The following CFB variants were observed in gnomAD, a reference collection of about 807,000 sequenced individuals.
The protein encoded by CFB is complement factor B.
In CFB, 59 loss-of-function variants were observed where a neutral mutation model predicts 97.2. That is an observed-to-expected ratio of 0.61 (90% CI 0.49 to 0.75). The LOEUF (loss-of-function observed/expected upper bound fraction) is 0.75, where lower values mean the gene tolerates loss of function less well. CFB is among the 30% of genes least tolerant of loss of function. CFB has a pLI of 0.00. For missense variants in CFB, 771 were observed against 959.8 expected (o/e 0.80, Z 2.60); for synonymous variants, 316 against 351.7 (o/e 0.90, Z 1.14).
rs756677366 is a variant in CFB, at chr6:31,951,845, A to C, written c.2140-30A>C. The C allele has an allele frequency of 4.3e-6, 7 of 1,613,054 alleles. No homozygotes were observed. The highest frequency in any genetic ancestry group is 5.9e-6 in the Non-Finnish European group (7 of 1,180,026). On this transcript the variant is annotated intron_variant, in intron 17 of 17. Coordinates refer to ENST00000425368, the MANE Select transcript of CFB (RefSeq NM_001710.6). The surrounding 1 kb of genome is among the most constrained non-coding windows in gnomAD (Gnocchi z 4.3). ...CTTCCAGGATTAGGAATTCTACTGA[A>C]TGATCCATGGCACCCCACTGCCTCT... is the stretch of plus-strand genomic sequence containing the variant.
Position 31,946,226 on chromosome 6 carries a change from G to A in CFB, c.5G>A (p.Gly2Glu), listed in dbSNP as rs552313721. Residue 2 changes from glycine (G) to glutamate (E), a missense_variant, in exon 1 of 18, where the codon GGG becomes GAG. Physicochemically the swap from Gly to Glu is moderately conservative, Grantham distance 98. Coordinates refer to ENST00000425368, the MANE Select transcript of CFB (RefSeq NM_001710.6). The surrounding 1 kb of genome is among the most constrained non-coding windows in gnomAD (Gnocchi z 6.4). M[G>E]SNLSPQLCLM... ...TCTCTCCTGCCTTCCAACGCCATGG[G>A]GAGCAATCTCAGCCCCCAACTCTGC... 1 of 1,613,074 alleles carries A rather than the reference G, an allele frequency of 6.2e-7. No homozygotes were observed. Among genetic ancestry groups the A allele is most frequent in the Non-Finnish European group, 8.5e-7 (1 of 1,180,032 alleles).
chr6:31,948,402 ATGG>A lies in CFB; in HGVS notation c.928_930del (p.Gly310del), dbSNP rs1460047785. ...GCAAGTTATGGTGTGAAGCCAAGAT[ATGG>A]TCTAGTGACATATGCCACATACCCC... is the stretch of plus-strand genomic sequence containing the variant. On this transcript the variant is annotated inframe_deletion, in exon 7 of 18. Coordinates refer to ENST00000425368, the MANE Select transcript of CFB (RefSeq NM_001710.6). 6.2e-7 allele frequency: 1 copy of A among 1,614,130 alleles called. No homozygotes were observed. The highest frequency in any genetic ancestry group is 8.5e-7 in the Non-Finnish European group (1 of 1,180,058).
At chr6:31,950,018 C>A (rs752459529) in intron 10 of CFB, 32 bp from the exon 11 acceptor site, 2 of 1,607,348 alleles carry the variant, frequency 1.2e-6, no homozygotes, top group African/African-American at 1.3e-5. Flanking sequence ...TGAAGTGTTC[C>A]GAGTTTTCAG....
Position 31,951,876 on chromosome 6 carries a change from T to G in CFB, c.2141T>G (p.Val714Gly), listed in dbSNP as rs1771792420. The change falls in exon 18 of 18, where the codon GTT becomes GGT. Residue 714 changes from valine (V) to glycine (G), a missense_variant and splice_region_variant. Physicochemically the swap from Val to Gly is moderately radical, Grantham distance 109. Coordinates refer to ENST00000425368, the MANE Select transcript of CFB (RefSeq NM_001710.6). The surrounding 1 kb of genome is among the most constrained non-coding windows in gnomAD (Gnocchi z 4.3). ...CATGGCACCCCACTGCCTCTGCAGG[T>G]TGGTGTAATCAGCTGGGGAGTAGTG... ...IVHKRSRFIQ[V>G]GVISWGVVDV... 1.2e-6 allele frequency: 2 copies of G among 1,613,188 alleles called. No individual in the cohort carries two copies. Among genetic ancestry groups the G allele is most frequent in the Non-Finnish European group, 1.7e-6 (2 of 1,180,032 alleles).
At chr6:31,948,634 AG>A (rs1421803430) in intron 7 of CFB, 122 bp downstream of exon 7, 1 of 1,534,750 alleles carries the variant, frequency 6.5e-7, no homozygotes, top group African/African-American at 1.4e-5. Context: ...GTTGAACAGC[AG>A]GATCGTTGGG....
In CFB at chr6:31,947,543, C is replaced by T. The variant is rs758575990; in HGVS notation, c.658+22C>T. 9 of 1,612,614 alleles carry T rather than the reference C, an allele frequency of 5.6e-6. No individual in the cohort carries two copies. The highest frequency in any genetic ancestry group is 7.6e-6 in the Non-Finnish European group (9 of 1,179,938). On this transcript the variant is annotated intron_variant, in intron 4 of 17. Transcript: ENST00000425368. The surrounding 1 kb of genome is among the most constrained non-coding windows in gnomAD (Gnocchi z 5.3). Reference sequence around the variant, plus strand: ...CAAGGTGACCTTTGACCTGTACCCCCAGGTCAGATCCTGGTCTTCCATCCT... The same window carrying T: ...CAAGGTGACCTTTGACCTGTACCCCTAGGTCAGATCCTGGTCTTCCATCCT...
chr6:31,948,348 T>C (rs1261204555), intron 6 of CFB, 26 bp from the exon 7 acceptor site: 1 of 1,614,216 alleles, frequency 6.2e-7, no homozygotes, highest in Non-Finnish European at 8.5e-7. Flanking sequence ...TTCAATGCCA[T>C]GGCGCCTTGT....
At position 31,951,437 on chromosome 6, in the gene CFB, GGAGT is replaced by G. The variant is rs747114058; in HGVS notation, c.2058_2061del (p.Ser687ProfsTer16). On this transcript the variant is annotated frameshift_variant, in exon 16 of 18. Transcript: ENST00000425368. LOFTEE classifies it high-confidence loss of function. The surrounding 1 kb of genome is among the most constrained non-coding windows in gnomAD (Gnocchi z 4.3). ...CACCCCTCGGTTCCTTTGTACTGGA[GGAGT>G]GAGTCCCTATGCTGACCCCAATACT... is the stretch of plus-strand genomic sequence containing the variant. 1.9e-6 allele frequency: 3 copies of G among 1,614,220 alleles called. No homozygotes were observed. Among genetic ancestry groups the G allele is most frequent in the Non-Finnish European group, 2.5e-6 (3 of 1,180,026 alleles).
At position 31,949,414 on chromosome 6, in the gene CFB, C is replaced by G; in HGVS notation, c.1271-6C>G. On this transcript the variant is annotated splice_region_variant and splice_polypyrimidine_tract_variant and intron_variant, in intron 9 of 17. Coordinates refer to ENST00000425368, the MANE Select transcript of CFB (RefSeq NM_001710.6). ...TGGACCCTCATCCTTCCTTTTTATC[C>G]CTCAGATGTCTATGTGTTTGGGGTC... The G allele has an allele frequency of 6.2e-7, 1 of 1,614,228 alleles. No homozygotes were observed. Among genetic ancestry groups the G allele is most frequent in the Middle Eastern group, 1.6e-4 (1 of 6,062 alleles).
At chr6:31,948,352 G>A (rs1562627858) in intron 6 of CFB, 22 bp from the exon 7 acceptor site, 38 of 1,614,122 alleles carry the variant, frequency 2.4e-5, no homozygotes, top group Non-Finnish European at 3.1e-5. Context: ...ATGCCATGGC[G>A]CCTTGTTCTC....
At chr6:31,948,183 G>C in intron 6 of CFB, 102 bp downstream of exon 6, 3 of 1,544,756 alleles carry the variant, frequency 1.9e-6, no homozygotes. Context: ...AGGGCCCCAG[G>C]AAAATCTCCA....
chr6:31,952,019 G>T lies in CFB; in HGVS notation c.2284G>T (p.Gly762Cys). 6.2e-7 allele frequency: 1 copy of T among 1,612,886 alleles called. No individual in the cohort carries two copies. Among genetic ancestry groups the T allele is most frequent in the Non-Finnish European group, 8.5e-7 (1 of 1,180,036 alleles). ...LKEKLQDEDL[G>C]FL ...GGAGAAACTCCAAGATGAGGATTTG[G>T]GTTTTCTATAAGGGGTTTCCTGCTG... Residue 762 changes from glycine (G) to cysteine (C), a missense_variant, in exon 18 of 18, where the codon GGT becomes TGT. Physicochemically the swap from Gly to Cys is radical, Grantham distance 159. Coordinates refer to ENST00000425368, the MANE Select transcript of CFB (RefSeq NM_001710.6).
In CFB at chr6:31,952,046, A is replaced by T. The variant is rs749158582; in HGVS notation, c.*16A>T. The T allele has an allele frequency of 8.6e-5, 139 of 1,612,096 alleles. No individual in the cohort carries two copies. Among genetic ancestry groups the T allele is most frequent in the Non-Finnish European group, 1.2e-4 (138 of 1,180,026 alleles). Reference sequence around the variant, plus strand: ...TTTTCTATAAGGGGTTTCCTGCTGGACAGGGGCGTGGGATTGAATTAAAAC... The same window carrying T: ...TTTTCTATAAGGGGTTTCCTGCTGGTCAGGGGCGTGGGATTGAATTAAAAC... On this transcript the variant is annotated 3_prime_UTR_variant, in exon 18 of 18. Coordinates refer to ENST00000425368, the MANE Select transcript of CFB (RefSeq NM_001710.6).
chr6:31,951,296 C>A lies in CFB; in HGVS notation c.1957-45C>A. 1.2e-6 allele frequency: 2 copies of A among 1,613,836 alleles called. No individual in the cohort carries two copies. The highest frequency in any genetic ancestry group is 1.7e-6 in the Non-Finnish European group (2 of 1,180,018). On this transcript the variant is annotated intron_variant, in intron 15 of 17. Transcript: ENST00000425368. This position sits in a 1 kb window ranked among gnomAD's most constrained non-coding sequence, Gnocchi z 4.3. ...ACTCTAGGCCCCAATCCTTCCTAAG[C>A]CACTTCTGTTCATTACTTCTCCATG...
Position 31,951,808 on chromosome 6 carries a change from G to A in CFB, c.2140-67G>A. The A allele has an allele frequency of 1.2e-6, 2 of 1,609,340 alleles. No homozygotes were observed. The highest frequency in any genetic ancestry group is 1.7e-6 in the Non-Finnish European group (2 of 1,176,726). On this transcript the variant is annotated intron_variant, in intron 17 of 17. Transcript: ENST00000425368. This position sits in a 1 kb window ranked among gnomAD's most constrained non-coding sequence, Gnocchi z 4.3. ...CTTTAGGTCAGCTAAGACACAAGCA[G>A]GAACAGCCATGCTTCCAGGATTAGG...
chr6:31,951,208 G>C lies in CFB; in HGVS notation c.1920G>C (p.Leu640=), dbSNP rs1331898626. The change falls in exon 15 of 18, where the codon CTG becomes CTC. Residue 640 remains leucine, a synonymous_variant. Transcript: ENST00000425368. The surrounding 1 kb of genome is among the most constrained non-coding windows in gnomAD (Gnocchi z 4.3). ...TTGTGTCTGAGGAGGAGAAAAAGCT[G>C]ACTCGGAAGGAGGTCTACATCAAGA... ...ALFVSEEEKK[L]TRKEVYIKNG... is the part of the protein sequence containing the mutation. The C allele has an allele frequency of 4.3e-6, 7 of 1,613,084 alleles. No individual in the cohort carries two copies. The highest frequency in any genetic ancestry group is 5.9e-6 in the Non-Finnish European group (7 of 1,180,016).
Position 31,950,247 on chromosome 6 carries a change from TG to T in CFB, c.1507-38del, listed in dbSNP as rs1172769683. 3 of 1,608,106 alleles carry T rather than the reference TG, an allele frequency of 1.9e-6. No individual in the cohort carries two copies. The African/African-American group carries it at 4.0e-5, about 21-fold the overall frequency. Reference sequence around the variant, plus strand: ...AATGGCCATAAGAGATGGTGGTTTGTGAAAGTTGAGCTTTCCCTCTCTACTG... The same window carrying T: ...AATGGCCATAAGAGATGGTGGTTTGTAAAGTTGAGCTTTCCCTCTCTACTG... On this transcript the variant is annotated intron_variant, in intron 11 of 17. Coordinates refer to ENST00000425368, the MANE Select transcript of CFB (RefSeq NM_001710.6).
Position 31,950,918 on chromosome 6 carries a change from C to T in CFB, c.1829C>T (p.Pro610Leu). Reference protein sequence around the residue: ...TEGTTRALRLPPTTTCQQQKE... With the variant: ...TEGTTRALRLLPTTTCQQQKE... Reference sequence around the variant, plus strand: ...GGAACAACTCGAGCTTTGAGGCTTCCTCCAACTACCACTTGCCAGCAACAA... The same window carrying T: ...GGAACAACTCGAGCTTTGAGGCTTCTTCCAACTACCACTTGCCAGCAACAA... The change falls in exon 14 of 18, where the codon CCT (proline) becomes CTT (leucine). Residue 610 changes from proline to leucine, a missense_variant. Transcript: ENST00000425368. 1 of 1,613,052 alleles carries T rather than the reference C, an allele frequency of 6.2e-7. No homozygotes were observed. The highest frequency in any genetic ancestry group is 8.5e-7 in the Non-Finnish European group (1 of 1,180,032).
chr6:31,946,879 G>A lies in CFB; in HGVS notation c.299-128G>A, dbSNP rs973950006. On this transcript the variant is annotated intron_variant, in intron 2 of 17. Transcript: ENST00000425368. The surrounding 1 kb of genome is among the most constrained non-coding windows in gnomAD (Gnocchi z 6.4). ...GAAATCCATATGGGTTGAGGAGTAG[G>A]TAAGATGCTGCTTCTGCGGGACTGG... The A allele has an allele frequency of 2.0e-6, 2 of 977,560 alleles. No homozygotes were observed. The highest frequency in any genetic ancestry group is 1.6e-5 in the African/African-American group (1 of 62,080). 60.6% of individuals were successfully genotyped at this position (977,560 alleles called of 1,614,324 possible).
Sources: gnomAD v4.1 joint callset for allele counts on GRCh38, gnomAD v4.1.1 for gene constraint, Gnocchi (gnomAD v3.1) non-coding constraint, MANE v1.5 for transcripts, NCBI Gene and HGNC (gene_info 2026-07-23, HGNC 2026-07-21) for gene names.